The following SEMA3A variants were observed in gnomAD, a reference collection of about 807,000 sequenced individuals.
SEMA3A encodes the protein semaphorin-3A.
In SEMA3A, 29 loss-of-function variants were observed where a neutral mutation model predicts 97.9. The observed-to-expected ratio is 0.30, with a 90% CI of 0.22 to 0.40. The LOEUF (loss-of-function observed/expected upper bound fraction) is 0.40. SEMA3A is among the 10% of genes least tolerant of loss of function. The pLI is 1.00. For synonymous variants in SEMA3A, 321 were observed against 323.7 expected, an observed-to-expected ratio of 0.99 and a Z score of 0.09; for missense variants, 763 against 951.3, an observed-to-expected ratio of 0.80 and a Z score of 2.60.
At chr7:84,309,404 G>T (rs1303969713) in intron 2 of SEMA3A, among the ~76,000 whole-genome samples, 1 of 152,150 alleles carries the variant, frequency 6.6e-6, no homozygotes, top group Non-Finnish European at 1.5e-5. Context: ...GCAGACAATA[G>T]TGATGAGGCT....
intron 3 of SEMA3A, among the ~76,000 whole-genome samples, chr7:84,125,682 T>G (rs1795771617): frequency 6.6e-6 from 1 of 152,150 alleles, no homozygotes; most frequent in Non-Finnish European, 1.5e-5. Flanking sequence ...ATCCCTTAGT[T>G]TTTTGTATTA....
rs562232966 is a variant in SEMA3A, at chr7:84,034,287, T to C, written c.667+12037A>G. ...GCATGAGCCACTGCGCCTGGCCTGG[T>C]ATGGTCTTTTATCTTATCTTGGAAC... On this transcript the variant is annotated intron_variant, in intron 6 of 16. Coordinates refer to ENST00000265362, the MANE Select transcript of SEMA3A (RefSeq NM_006080.3). Among the ~76,000 whole-genome samples, 9 of 152,284 alleles carry C rather than the reference T, an allele frequency of 5.9e-5. No individual in the cohort carries two copies. The East Asian group carries it at 1.7e-3, about 29-fold the overall frequency.
intron 6 of SEMA3A, among the ~76,000 whole-genome samples, chr7:84,015,264 A>ATT (rs5885394): frequency 6.6e-6 from 1 of 152,080 alleles, no homozygotes; most frequent in Non-Finnish European, 1.5e-5. Context: ...TATTTGTTGT[A>ATT]TTTTTTGTTG....
intron 4 of SEMA3A, among the ~76,000 whole-genome samples, chr7:84,104,605 A>C (rs7801391): frequency 0.33 from 49,614 of 151,910 alleles, 8,916 homozygotes; most frequent in African/African-American, 0.49. Context: ...AAGGATGTTC[A>C]TTTGGATTTT....
chr7:84,193,073 A>G (rs1040008561), intron 1 of SEMA3A, among the ~76,000 whole-genome samples: 2 of 152,000 alleles, frequency 1.3e-5, no homozygotes, highest in Admixed American at 6.6e-5. Flanking sequence ...AACTTACATA[A>G]GTACAATTGC....
At chr7:83,974,963 T>C (rs1249340214) in intron 15 of SEMA3A, among the ~76,000 whole-genome samples, 1 of 152,140 alleles carries the variant, frequency 6.6e-6, no homozygotes, top group Non-Finnish European at 1.5e-5. Context: ...CCAGTGTGCA[T>C]CTGACGTAAG....
chr7:84,463,513 G>T (rs1165237941), intron 1 of SEMA3A, among the ~76,000 whole-genome samples: 2 of 152,062 alleles, frequency 1.3e-5, no homozygotes, highest in African/African-American at 4.8e-5. Context: ...CTCCCAAAGT[G>T]CTGGGATTAC....
rs964569024 is a variant in SEMA3A, at chr7:84,265,517, A to G, written c.-83+41690T>C. Among the ~76,000 whole-genome samples the G allele has an allele frequency of 2.7e-5, 4 of 147,508 alleles. No individual in the cohort carries two copies. In the Admixed American group the frequency reaches 2.7e-4, roughly 10 times the overall value. On this transcript the variant is annotated intron_variant, in intron 3 of 3. Transcript: ENST00000424555. The stretch of plus-strand genomic sequence containing the variant: ...ATTATATATCATATATATATAAAAT[A>G]TATAATTTTATATATTATATATTTT...
intron 2 of SEMA3A, among the ~76,000 whole-genome samples, chr7:84,316,830 G>A (rs1253691881): frequency 6.6e-6 from 1 of 152,062 alleles, no homozygotes; most frequent in South Asian, 2.1e-4. Flanking sequence ...CAATCAAGCC[G>A]ATTAAACTGC....
At chr7:84,248,735 T>TCCTC (rs986606290) in intron 3 of SEMA3A, among the ~76,000 whole-genome samples, 4 of 151,740 alleles carry the variant, frequency 2.6e-5, no homozygotes, top group Admixed American at 6.6e-5. Context: ...CTCTCTCTGA[T>TCCTC]CCTCCCTCCC....
rs1296271408 is a variant in SEMA3A at position 84,287,924 on chromosome 7, T to C, written c.-83+19283A>G. Among the ~76,000 whole-genome samples, 3 of 152,186 alleles carry C rather than the reference T, an allele frequency of 2.0e-5. No individual in the cohort carries two copies. The East Asian group carries it at 5.8e-4, about 29-fold the overall frequency. ...CAAAAATAATAATAACAGGTTTCAATGCTGGGTTTAGAAAAATGGTAACAA... is the reference window on the plus strand; with the variant it reads ...CAAAAATAATAATAACAGGTTTCAACGCTGGGTTTAGAAAAATGGTAACAA... On this transcript the variant is annotated intron_variant, in intron 3 of 3. Coordinates refer to the SEMA3A transcript ENST00000424555.
In SEMA3A at chr7:84,001,874, A is replaced by C. The variant is rs1274439114; in HGVS notation, c.1452+81T>G. 5 of 907,062 alleles carry C rather than the reference A, an allele frequency of 5.5e-6. No homozygotes were observed. In the South Asian group the frequency reaches 7.6e-5, roughly 14 times the overall value. 56.2% of individuals were successfully genotyped at this position (907,062 alleles called of 1,614,324 possible). Reference sequence around the variant, plus strand: ...GGTATGTATGCTAGACTACTTGTCCATACCAAGTTCAGTGTGCAGCTGTCC... The same window carrying C: ...GGTATGTATGCTAGACTACTTGTCCCTACCAAGTTCAGTGTGCAGCTGTCC... On this transcript the variant is annotated intron_variant, in intron 12 of 16. Coordinates refer to ENST00000265362, the MANE Select transcript of SEMA3A (RefSeq NM_006080.3).
intron 3 of SEMA3A, among the ~76,000 whole-genome samples, chr7:84,285,364 T>C (rs1185686335): frequency 2.0e-5 from 3 of 151,992 alleles, no homozygotes; most frequent in Non-Finnish European, 2.9e-5. Flanking sequence ...ATAACAAAAG[T>C]ATATAAGAAA....
At chr7:84,442,274 A>G (rs966770064) in intron 1 of SEMA3A, among the ~76,000 whole-genome samples, 1 of 152,160 alleles carries the variant, frequency 6.6e-6, no homozygotes, top group Admixed American at 6.5e-5. Context: ...TATTAGTTTC[A>G]GTTTTGAACA....
At chr7:84,051,213 G>A (rs1298535681) in intron 5 of SEMA3A, among the ~76,000 whole-genome samples, 2 of 150,800 alleles carry the variant, frequency 1.3e-5, no homozygotes, top group Non-Finnish European at 3.0e-5. Context: ...GGTTCCATAT[G>A]AACTTTAAAG....
rs371701159 is a variant in SEMA3A, at chr7:83,989,641, A to G, written c.1453-4164T>C. On this transcript the variant is annotated intron_variant, in intron 12 of 16. Transcript: ENST00000265362. ...TTTCATCCATGTCCCTACAAAGGAC[A>G]TGAACTCATCATTTTTTATGGCTGC... Among the ~76,000 whole-genome samples the G allele has an allele frequency of 7.9e-4, 100 of 126,862 alleles. 1 individual carries two copies. In the East Asian group the frequency reaches 0.015, roughly 19 times the overall value. 83.2% of individuals were successfully genotyped at this position (126,862 alleles called of 152,430 possible).
chr7:84,365,953 T>C (rs1457847960), intron 2 of SEMA3A, among the ~76,000 whole-genome samples: 3 of 151,462 alleles, frequency 2.0e-5, no homozygotes, highest in Non-Finnish European at 4.4e-5. Flanking sequence ...TGAGTAATTA[T>C]AACATGGTTA....
At chr7:84,368,399 C>G (rs1407486981) in intron 2 of SEMA3A, among the ~76,000 whole-genome samples, 1 of 150,932 alleles carries the variant, frequency 6.6e-6, no homozygotes, top group Admixed American at 6.6e-5. Flanking sequence ...TGTTATTTAT[C>G]TTTGTAATGA....
chr7:84,351,369 A>C (rs146082975), intron 2 of SEMA3A, among the ~76,000 whole-genome samples: 1 of 152,126 alleles, frequency 6.6e-6, no homozygotes, highest in East Asian at 1.9e-4. Context: ...CAAATATTAC[A>C]TTAGAATTTG....
Sources: allele counts gnomAD v4.1 joint callset (sites outside exome capture counted in the v4.1 genomes callset), GRCh38; gene constraint gnomAD v4.1.1; transcripts MANE v1.5; gene names NCBI Gene and HGNC (gene_info 2026-07-23, HGNC 2026-07-21).